The following ABCC12 variants were observed in gnomAD, a reference collection of about 807,000 sequenced individuals.
ABCC12 encodes ATP-binding cassette sub-family C member 12.
A neutral mutation model predicts 151.1 loss-of-function variants in ABCC12; 142 were observed. The ratio of observed to expected loss-of-function variants is 0.94; its 90% CI spans 0.82 to 1.08. The LOEUF is 1.08. Ranked by LOEUF, ABCC12 falls within the 50% of genes least tolerant of loss-of-function variation. ABCC12 has a pLI of 0.00. For synonymous variants in ABCC12, 645 were observed against 646.4 expected, an observed-to-expected ratio of 1.00 and a Z score of 0.03; for missense variants, 1,638 against 1,691.1, an observed-to-expected ratio of 0.97 and a Z score of 0.55.
At chr16:48,092,462 T>C (rs1962940582) in intron 24 of ABCC12, among the ~76,000 whole-genome samples, 1 of 152,186 alleles carries the variant, frequency 6.6e-6, no homozygotes, top group South Asian at 2.1e-4. Flanking sequence ...CCTCAGTCAT[T>C]GCTGCACTTG....
intron 3 of ABCC12, among the ~76,000 whole-genome samples, chr16:48,145,028 T>C (rs943931289): frequency 1.3e-5 from 2 of 152,192 alleles, no homozygotes; most frequent in Non-Finnish European, 2.9e-5. Flanking sequence ...GCTTGTTGAC[T>C]CCAGTGTCCT....
rs1962740706 is a variant in ABCC12, at chr16:48,088,662, T to A, written c.3358A>T (p.Ile1120Phe). Residue 1120 changes from isoleucine (I) to phenylalanine (F), a missense_variant, in exon 26 of 31, where the codon ATC becomes TTC. Transcript: ENST00000311303. ...CTCATCTGATAGTCTCTGAAGGTGA[T>A]CTCCCCACGGCTGGGCCAGTCCTTG... ...CPKDWPSRGE[I>F]TFRDYQMRYR... 1 of 1,614,188 alleles carries A rather than the reference T, an allele frequency of 6.2e-7. No homozygotes were observed. The highest frequency in any genetic ancestry group is 8.5e-7 in the Non-Finnish European group (1 of 1,180,020).
chr16:48,097,547 A>G (rs775427308), intron 23 of ABCC12, among the ~76,000 whole-genome samples: 2 of 152,188 alleles, frequency 1.3e-5, no homozygotes, highest in Non-Finnish European at 2.9e-5. Flanking sequence ...AGAGGGGGGA[A>G]GAAGCACAGA....
Position 48,107,504 on chromosome 16 carries a change from C to T in ABCC12, c.2372-79G>A, listed in dbSNP as rs1369328484. 2.4e-6 allele frequency: 3 copies of T among 1,269,652 alleles called. No individual in the cohort carries two copies. In the African/African-American group the frequency reaches 4.5e-5, roughly 19 times the overall value. 78.6% of individuals were successfully genotyped at this position (1,269,652 alleles called of 1,614,324 possible). ...GGCTGACCTTCCTCAGGACCCAACC[C>T]TGATGGGAAATTCAAAACCTGCAGG... is the stretch of plus-strand genomic sequence containing the variant. On this transcript the variant is annotated intron_variant, in intron 19 of 30. Transcript: ENST00000311303.
At chr16:48,136,296 C>A (rs556486400) in intron 8 of ABCC12, among the ~76,000 whole-genome samples, 1 of 152,290 alleles carries the variant, frequency 6.6e-6, no homozygotes, top group South Asian at 2.1e-4. Flanking sequence ...TTCCCCAGTT[C>A]TCTGTGCGTC....
rs764222163 is a variant in ABCC12, at chr16:48,084,083, A to C, written c.3829-10T>G. 5.0e-6 allele frequency: 8 copies of C among 1,600,830 alleles called. No individual in the cohort carries two copies. Among genetic ancestry groups the C allele is most frequent in the Non-Finnish European group, 6.8e-6 (8 of 1,176,834 alleles). ...CATCAAGGAGAATGATCTGTGGAGG[A>C]GGAAACATTATAAGCCAAAGGCGCA... On this transcript the variant is annotated splice_polypyrimidine_tract_variant and intron_variant, in intron 29 of 30. Coordinates refer to ENST00000311303, the MANE Select transcript of ABCC12 (RefSeq NM_001393797.1).
intron 26 of ABCC12, among the ~76,000 whole-genome samples, chr16:48,088,334 G>A (rs1962714578): frequency 6.6e-6 from 1 of 152,162 alleles, no homozygotes; most frequent in African/African-American, 2.4e-5. Context: ...TAGGATGATT[G>A]TCATTTAATT....
chr16:48,092,961 G>A (rs2150589469), intron 24 of ABCC12, among the ~76,000 whole-genome samples: 1 of 152,314 alleles, frequency 6.6e-6, no homozygotes, highest in South Asian at 2.1e-4. Context: ...CAGACCCTCT[G>A]AGAGCCCCTC....
At chr16:48,121,284 T>C (rs1248663163) in intron 13 of ABCC12, 1 of 153,822 alleles carries the variant, frequency 6.5e-6, no homozygotes, top group Non-Finnish European at 1.4e-5. Context: ...CTGAGGACAC[T>C]AACAGTGATA....
At chr16:48,109,539 G>A (rs1963614892) in intron 18 of ABCC12, among the ~76,000 whole-genome samples, 1 of 152,214 alleles carries the variant, frequency 6.6e-6, no homozygotes, top group Admixed American at 6.5e-5. Context: ...AGAAGAGGGG[G>A]CACCCCACAT....
chr16:48,098,756 C>T (rs1382156163), intron 23 of ABCC12, among the ~76,000 whole-genome samples: 1 of 152,122 alleles, frequency 6.6e-6, no homozygotes, highest in Non-Finnish European at 1.5e-5. Context: ...GTGGCAAATG[C>T]AATACACGTC....
intron 8 of ABCC12, among the ~76,000 whole-genome samples, chr16:48,137,030 G>T (rs1964634114): frequency 6.6e-6 from 1 of 152,220 alleles, no homozygotes; most frequent in South Asian, 2.1e-4. Flanking sequence ...AACAGGGGAG[G>T]AACAGGATCT....
At chr16:48,116,493 A>G (rs1054038092) in intron 14 of ABCC12, among the ~76,000 whole-genome samples, 1 of 152,128 alleles carries the variant, frequency 6.6e-6, no homozygotes, top group Non-Finnish European at 1.5e-5. Context: ...AAGGATAGTG[A>G]TGTCACAGGA....
At chr16:48,148,596 A>G (rs7197710) in intron 2 of ABCC12, among the ~76,000 whole-genome samples, 4,897 of 152,136 alleles carry the variant, frequency 0.032, 248 homozygotes, top group African/African-American at 0.11. Context: ...TCCTAATTCA[A>G]TGAGAGTATT....
rs190350784 is a variant in ABCC12, at chr16:48,110,303, A to C, written c.2281+1133T>G. Among the ~76,000 whole-genome samples, 71 of 152,262 alleles carry C rather than the reference A, an allele frequency of 4.7e-4. 1 individual carries two copies. In the East Asian group the frequency reaches 9.1e-3, roughly 19 times the overall value. The stretch of plus-strand genomic sequence containing the variant: ...CATTTGCTAGTATGTCATATCGTTT[A>C]GTTAGCAGAGATTTTTTTTTCTTTC... On this transcript the variant is annotated intron_variant, in intron 18 of 30. Transcript: ENST00000311303.
chr16:48,118,305 A>G (rs1327467672), intron 13 of ABCC12, among the ~76,000 whole-genome samples: 1 of 152,074 alleles, frequency 6.6e-6, no homozygotes, highest in Non-Finnish European at 1.5e-5. Flanking sequence ...TCTGCAACTC[A>G]ACCTCACTCA....
chr16:48,138,835 G>A lies in ABCC12; in HGVS notation c.831+328C>T, dbSNP rs2150669442. Among the ~76,000 whole-genome samples, 4 of 151,998 alleles carry A rather than the reference G, an allele frequency of 2.6e-5. No homozygotes were observed. In the South Asian group the frequency reaches 8.3e-4, roughly 32 times the overall value. ...TTTTTTTAACTAGCCAGGTACAGTGGCATGCACCTGTAGTCCCAGCTAGTT... is the reference window on the plus strand; with the variant it reads ...TTTTTTTAACTAGCCAGGTACAGTGACATGCACCTGTAGTCCCAGCTAGTT... On this transcript the variant is annotated intron_variant, in intron 7 of 30. Transcript: ENST00000311303.
Position 48,128,443 on chromosome 16 carries a change from T to G in ABCC12, c.1515+16A>C. On this transcript the variant is annotated intron_variant, in intron 11 of 30. Transcript: ENST00000311303. ...GGAGGAGGGCTGGAGGCCACACCTG[T>G]GCAACACACACCCACCTTTCTCACC... is the stretch of plus-strand genomic sequence containing the variant. 1 of 1,612,886 alleles carries G rather than the reference T, an allele frequency of 6.2e-7. No homozygotes were observed. The highest frequency in any genetic ancestry group is 8.5e-7 in the Non-Finnish European group (1 of 1,179,058).
chr16:48,115,367 C>T, intron 15 of ABCC12, 48 bp downstream of exon 15: 1 of 1,588,882 alleles, frequency 6.3e-7, no homozygotes, highest in Non-Finnish European at 8.6e-7. Flanking sequence ...CATCAGATCC[C>T]CAGCCACACC....
Sources: gnomAD v4.1 joint callset for allele counts (sites outside exome capture counted in the v4.1 genomes callset) on GRCh38, gnomAD v4.1.1 for gene constraint, MANE v1.5 for transcripts, NCBI Gene and HGNC (gene_info 2026-07-23, HGNC 2026-07-21) for gene names.